CACNA2D1: variants seen among roughly 807,000 people sequenced by gnomAD.
The protein encoded by CACNA2D1 is voltage-dependent calcium channel subunit alpha-2/delta-1.
In CACNA2D1, 53 loss-of-function variants were observed where a neutral mutation model predicts 171.5. That is an observed-to-expected ratio of 0.31 (90% CI 0.25 to 0.39). CACNA2D1 has a LOEUF of 0.39. Ranked by LOEUF, CACNA2D1 falls within the 10% of genes least tolerant of loss-of-function variation. The pLI is 1.00. For missense variants in CACNA2D1, 903 were observed against 1,299.8 expected, an observed-to-expected ratio of 0.69 and a Z score of 4.69; for synonymous variants, 442 against 443.1, an observed-to-expected ratio of 1.00 and a Z score of 0.03.
chr7:82,390,043 A>G (rs1340475280), intron 1 of CACNA2D1, among the ~76,000 whole-genome samples: 2 of 152,208 alleles, frequency 1.3e-5, no homozygotes, highest in African/African-American at 4.8e-5. Context: ...ATAGGACAGA[A>G]GAAGCAAAAT....
chr7:82,181,042 T>C (rs1285085223), intron 3 of CACNA2D1, among the ~76,000 whole-genome samples: 1 of 29,020 alleles, frequency 3.4e-5, no homozygotes, highest in Admixed American at 3.4e-4. Context: ...GCATGTCGGA[T>C]TTTTTTTTTT....
At chr7:81,959,253 T>A in intron 38 of CACNA2D1, 22 bp downstream of exon 38, 1 of 1,506,242 alleles carries the variant, frequency 6.6e-7, no homozygotes, top group Non-Finnish European at 9.2e-7. Context: ...AGTATTTTAA[T>A]CCAGTAGAAG....
intron 4 of CACNA2D1, among the ~76,000 whole-genome samples, chr7:82,161,612 T>C (rs1380666423): frequency 6.6e-6 from 1 of 152,010 alleles, no homozygotes; most frequent in Non-Finnish European, 1.5e-5. Context: ...TTGAGCTATA[T>C]TAACTGGAGG....
At chr7:82,077,312 TA>T (rs1174642204) in intron 7 of CACNA2D1, among the ~76,000 whole-genome samples, 1 of 152,174 alleles carries the variant, frequency 6.6e-6, no homozygotes, top group East Asian at 1.9e-4. Flanking sequence ...AAGAGACCAC[TA>T]AATTCTGGCC....
intron 11 of CACNA2D1, among the ~76,000 whole-genome samples, 185 bp downstream of exon 11, chr7:82,037,892 C>T (rs933225032): frequency 6.6e-6 from 1 of 151,978 alleles, no homozygotes; most frequent in Non-Finnish European, 1.5e-5. Flanking sequence ...ATTTTAGATG[C>T]CTTTTGAATT....
intron 1 of CACNA2D1, among the ~76,000 whole-genome samples, chr7:82,351,226 GA>G (rs1389056805): frequency 6.6e-6 from 1 of 151,670 alleles, no homozygotes; most frequent in Admixed American, 6.6e-5. Context: ...CTTCCTTAGG[GA>G]AGAATTCCAG....
At chr7:82,013,367 T>C in intron 14 of CACNA2D1, 94 bp downstream of exon 14, 1 of 427,050 alleles carries the variant, frequency 2.3e-6, no homozygotes, top group East Asian at 6.7e-5. Flanking sequence ...GATCTTTTCA[T>C]TCTTGCTAAT....
intron 18 of CACNA2D1, chr7:82,001,669 G>A: frequency 1.6e-6 from 2 of 1,250,978 alleles, no homozygotes; most frequent in South Asian, 2.5e-5. Flanking sequence ...CTGGATATTG[G>A]GTCTCCTTTT....
rs1563168015 is a variant in CACNA2D1, at chr7:82,182,561, C to CT, written c.295-11953_295-11952insA. 1.4e-4 allele frequency among the ~76,000 whole-genome samples: 21 copies of CT among 147,536 alleles called. No individual in the cohort carries two copies. In the East Asian group the frequency reaches 1.6e-3, roughly 11 times the overall value. Reference sequence around the variant, plus strand: ...AAATTATTTTTGGTACTTTTTTCTGCGTTTTTTTTTTAATTTTAAGAAGGA... The same window carrying CT: ...AAATTATTTTTGGTACTTTTTTCTGCTGTTTTTTTTTTAATTTTAAGAAGGA... On this transcript the variant is annotated intron_variant, in intron 3 of 38. Coordinates refer to ENST00000356860, the MANE Select transcript of CACNA2D1 (RefSeq NM_000722.4).
chr7:82,415,849 C>T (rs1025586171), intron 1 of CACNA2D1, among the ~76,000 whole-genome samples: 16 of 129,796 alleles, frequency 1.2e-4, no homozygotes, highest in Non-Finnish European at 1.0e-4. Flanking sequence ...TACACATAGC[C>T]AGTAAAAGAT....
At chr7:82,426,183 A>G (rs1646928040) in intron 1 of CACNA2D1, among the ~76,000 whole-genome samples, 1 of 62,666 alleles carries the variant, frequency 1.6e-5, no homozygotes, top group South Asian at 4.0e-4. Context: ...AAATAAATAC[A>G]TAAATTCTAT....
chr7:82,168,386 C>CA (rs1795685117), intron 4 of CACNA2D1, among the ~76,000 whole-genome samples: 1 of 152,088 alleles, frequency 6.6e-6, no homozygotes, highest in Admixed American at 6.6e-5. Context: ...TAAAGTAATC[C>CA]ACCCACCTTG....
At chr7:82,128,682 A>G (rs1790616390) in intron 5 of CACNA2D1, among the ~76,000 whole-genome samples, 1 of 152,144 alleles carries the variant, frequency 6.6e-6, no homozygotes, top group Admixed American at 6.5e-5. Flanking sequence ...AATAAACACG[A>G]AAGAACAGTA....
At chr7:82,363,794 T>C (rs1438269203) in intron 1 of CACNA2D1, among the ~76,000 whole-genome samples, 1 of 152,234 alleles carries the variant, frequency 6.6e-6, no homozygotes, top group African/African-American at 2.4e-5. Flanking sequence ...TTCTAGGACC[T>C]AGGCTTGGAG....
chr7:82,175,435 T>C (rs529235979), intron 3 of CACNA2D1, among the ~76,000 whole-genome samples: 1 of 152,074 alleles, frequency 6.6e-6, no homozygotes, highest in Non-Finnish European at 1.5e-5. Context: ...CAATAAAGAT[T>C]AGCAAATTCT....
chr7:82,332,508 TATAA>T (rs1377513702), intron 3 of CACNA2D1, among the ~76,000 whole-genome samples: 12 of 34,648 alleles, frequency 3.5e-4, no homozygotes, highest in South Asian at 1.4e-3. Context: ...AAAAAAGAAA[TATAA>T]AGAAAGAAAG....
chr7:82,319,031 G>A (rs544248237), intron 3 of CACNA2D1, among the ~76,000 whole-genome samples: 78 of 152,278 alleles, frequency 5.1e-4, no homozygotes, highest in African/African-American at 1.7e-3. Context: ...GGAATTAAAT[G>A]GATCTGGATA....
intron 3 of CACNA2D1, among the ~76,000 whole-genome samples, chr7:82,260,392 C>A (rs1273817027): frequency 6.6e-6 from 1 of 152,016 alleles, no homozygotes; most frequent in Non-Finnish European, 1.5e-5. Context: ...AAAAGAAATA[C>A]CAAGTAGGCA....
At chr7:82,083,173 T>C (rs1810010443) in intron 7 of CACNA2D1, among the ~76,000 whole-genome samples, 1 of 152,038 alleles carries the variant, frequency 6.6e-6, no homozygotes, top group African/African-American at 2.4e-5. Context: ...TTCCCTTACT[T>C]ATATATGGAA....
Sources: allele counts gnomAD v4.1 joint callset (sites outside exome capture counted in the v4.1 genomes callset), GRCh38; gene constraint gnomAD v4.1.1; transcripts MANE v1.5; gene names NCBI Gene and HGNC (gene_info 2026-07-23, HGNC 2026-07-21).